SPDYE10: variants seen among roughly 807,000 people sequenced by gnomAD.
SPDYE10 encodes speedy/RINGO cell cycle regulator family member E10, also known as speedy protein E10.
At chr7:73,152,009 G>GT in the SPDYE10 span, among the ~76,000 whole-genome samples, 2 of 150,718 alleles carry the variant, frequency 1.3e-5, no homozygotes, top group African/African-American at 4.9e-5. Context: ...TTGTTGTTTT[G>GT]TTTTTTGTGT....
chr7:73,135,760 G>A, the SPDYE10 span, among the ~76,000 whole-genome samples: 3 of 56,326 alleles, frequency 5.3e-5, no homozygotes, highest in African/African-American at 7.5e-5. Context: ...TAGTAGAGAC[G>A]GGTTTTCACC....
the SPDYE10 span, among the ~76,000 whole-genome samples, chr7:73,123,759 T>C: frequency 9.2e-6 from 1 of 108,598 alleles, no homozygotes. Flanking sequence ...CGCCTGGCCA[T>C]TTCCTTTCTC....
the SPDYE10 span, among the ~76,000 whole-genome samples, chr7:73,107,666 C>T: frequency 2.1e-3 from 142 of 68,632 alleles, 1 homozygote; most frequent in Middle Eastern, 6.9e-3. Flanking sequence ...TTGCCAGGAC[C>T]CTGCCTTCTA....
chr7:73,147,868 A>G, the SPDYE10 span, among the ~76,000 whole-genome samples: 255 of 148,824 alleles, frequency 1.7e-3, no homozygotes, highest in Non-Finnish European at 2.1e-3. Context: ...GTGCAATGGC[A>G]TGATCTTGGC....
chr7:73,150,946 ATATTTTT>A, the SPDYE10 span, among the ~76,000 whole-genome samples: 2 of 11,318 alleles, frequency 1.8e-4, no homozygotes, highest in African/African-American at 8.2e-4. Context: ...ATATATATAT[ATATTTTT>A]TTTTTTTTAC....
the SPDYE10 span, among the ~76,000 whole-genome samples, chr7:73,123,788 C>CCTCCCTCT: frequency 2.1e-5 from 2 of 97,460 alleles, no homozygotes; most frequent in Non-Finnish European, 3.7e-5. Context: ...TCTCTCTCTC[C>CCTCCCTCT]CTCTCTCTCT....
the SPDYE10 span, among the ~76,000 whole-genome samples, chr7:73,128,628 C>T: frequency 6.6e-6 from 1 of 151,360 alleles, no homozygotes; most frequent in African/African-American, 2.4e-5. Context: ...TTTATCCATT[C>T]TGTAGTTGAA....
At chr7:73,130,375 C>T in the SPDYE10 span, among the ~76,000 whole-genome samples, 845 of 128,698 alleles carry the variant, frequency 6.6e-3, 2 homozygotes, top group African/African-American at 0.018. Context: ...TAGAGCTTTT[C>T]GTGTTAGGGA....
chr7:73,134,487 TTGTGCACA>T, the SPDYE10 span, among the ~76,000 whole-genome samples: 5 of 128,964 alleles, frequency 3.9e-5, no homozygotes, highest in South Asian at 1.2e-3. Flanking sequence ...AATCTTCACA[TTGTGCACA>T]TGTACCCTAC....
chr7:73,147,195 A>C, the SPDYE10 span, among the ~76,000 whole-genome samples: 1 of 131,546 alleles, frequency 7.6e-6, no homozygotes, highest in East Asian at 2.1e-4. Context: ...ACATAGTCTC[A>C]CTCACTCTGT....
At chr7:73,117,636 G>A in the SPDYE10 span, among the ~76,000 whole-genome samples, 1 of 131,300 alleles carries the variant, frequency 7.6e-6, no homozygotes, top group Admixed American at 7.8e-5. Flanking sequence ...AAGAGGGGAA[G>A]GGGAGGACAG....
chr7:73,123,788 C>CCCCT, the SPDYE10 span, among the ~76,000 whole-genome samples: 2 of 97,458 alleles, frequency 2.1e-5, no homozygotes, highest in African/African-American at 1.0e-4. Context: ...TCTCTCTCTC[C>CCCCT]CTCTCTCTCT....
chr7:73,114,622 C>T, the SPDYE10 span, among the ~76,000 whole-genome samples: 3 of 142,278 alleles, frequency 2.1e-5, no homozygotes, highest in Admixed American at 2.2e-4. Context: ...CTGCAACCTC[C>T]GCCTCCCGGG....
chr7:73,126,848 T>A, the SPDYE10 span, among the ~76,000 whole-genome samples: 1 of 151,082 alleles, frequency 6.6e-6, no homozygotes, highest in Non-Finnish European at 1.5e-5. Flanking sequence ...AATATTTGTA[T>A]TTTTTTAGAG....
At chr7:73,151,783 G>A in the SPDYE10 span, among the ~76,000 whole-genome samples, 1 of 84,190 alleles carries the variant, frequency 1.2e-5, no homozygotes, top group Non-Finnish European at 2.2e-5. Context: ...CTCCCAAAAT[G>A]CTGAGATTAC....
the SPDYE10 span, among the ~76,000 whole-genome samples, chr7:73,114,630 G>A: frequency 1.3e-4 from 18 of 135,806 alleles, no homozygotes; most frequent in African/African-American, 1.6e-4. Context: ...TCCGCCTCCC[G>A]GGTTCGAGCG....
the SPDYE10 span, among the ~76,000 whole-genome samples, chr7:73,134,549 G>GAAAGAAAGAA: frequency 6.6e-6 from 1 of 152,032 alleles, no homozygotes; most frequent in South Asian, 2.1e-4. Context: ...AAGAAAGAAA[G>GAAAGAAAGAA]AAAGAAAGAA....
At chr7:73,122,606 AAAG>A in the SPDYE10 span, among the ~76,000 whole-genome samples, 1 of 147,232 alleles carries the variant, frequency 6.8e-6, no homozygotes, top group Non-Finnish European at 1.5e-5. Flanking sequence ...AAGAAAAAAA[AAAG>A]AAAGAGGCTG....
the SPDYE10 span, among the ~76,000 whole-genome samples, chr7:73,130,386 G>T: frequency 6.6e-6 from 1 of 152,036 alleles, no homozygotes; most frequent in East Asian, 1.9e-4. Flanking sequence ...GTGTTAGGGA[G>T]AAGGAAAGGG....
Sources: allele counts gnomAD v4.1 joint callset (sites outside exome capture counted in the v4.1 genomes callset), GRCh38; gene constraint gnomAD v4.1.1; transcripts MANE v1.5; gene names NCBI Gene and HGNC (gene_info 2026-07-23, HGNC 2026-07-21).